Variants in PDS5B observed in about 807,000 individuals in gnomAD.
PDS5B encodes the protein PDS5 cohesin associated factor B, also known as sister chromatid cohesion protein PDS5 homolog B.
Under a neutral mutation model 184.1 loss-of-function variants are expected in PDS5B, and 51 were observed. That is an observed-to-expected ratio of 0.28 (90% CI 0.22 to 0.35). PDS5B has a LOEUF of 0.35. Among genes scored for constraint, PDS5B ranks in the 10% least tolerant of loss-of-function variants. The probability of loss-of-function intolerance (pLI) is 1.00; values close to 1 mark genes in which losing one functional copy is unlikely to be tolerated. For missense variants in PDS5B, 1,180 were observed against 1,723.3 expected (o/e 0.68, Z 5.58); for synonymous variants, 566 against 569.2 (o/e 0.99, Z 0.08).
chr13:32,694,212 G>C lies in PDS5B; in HGVS notation c.1470-11G>C. On this transcript the variant is annotated splice_polypyrimidine_tract_variant and intron_variant, in intron 13 of 34. Coordinates refer to ENST00000315596, the MANE Select transcript of PDS5B (RefSeq NM_015032.4). ...TTTTGTTATTTAAATGTGTATGTTT[G>C]TGTTTTTCAGAGCATTGAATGAAAT... 6.4e-7 allele frequency: 1 copy of C among 1,559,986 alleles called. No individual in the cohort carries two copies. The highest frequency in any genetic ancestry group is 8.8e-7 in the Non-Finnish European group (1 of 1,135,570).
In PDS5B at chr13:32,637,692, C is replaced by T. The variant is rs115166610; in HGVS notation, c.-19-11062C>T. 9.1e-3 allele frequency among the ~76,000 whole-genome samples: 1,382 copies of T among 152,030 alleles called. 28 individuals are homozygous for T. The highest frequency in any genetic ancestry group is 0.032 in the African/African-American group (1,330 of 41,432). On this transcript the variant is annotated intron_variant, in intron 1 of 34. Transcript: ENST00000315596. ...AGAAATCAAAGGAGACAGGAATGAC[C>T]AGTAAGGTAGGAAAAAATCAGGAAA...
At chr13:32,760,331 G>A (rs1295397348) in intron 29 of PDS5B, among the ~76,000 whole-genome samples, 3 of 152,108 alleles carry the variant, frequency 2.0e-5, no homozygotes, top group African/African-American at 7.2e-5. Flanking sequence ...CATTTCATTT[G>A]TTCTCACTTT....
Position 32,687,188 on chromosome 13 carries a change from G to C in PDS5B, c.1258G>C (p.Ala420Pro). 6.2e-7 allele frequency: 1 copy of C among 1,610,190 alleles called. No homozygotes were observed. Among genetic ancestry groups the C allele is most frequent in the Non-Finnish European group, 8.5e-7 (1 of 1,178,478 alleles). Residue 420 changes from alanine to proline, a missense_variant, in exon 12 of 35, where the codon GCT (alanine) becomes CCT (proline). Physicochemically the swap from Ala to Pro is conservative, Grantham distance 27. Coordinates refer to ENST00000315596, the MANE Select transcript of PDS5B (RefSeq NM_015032.4). ...MGLAQIYKKY[A>P]LQSAAGKDAA... ...ACTTGCCCAAATTTATAAGAAATAT[G>C]CTTTACAGTCAGCAGCTGGAAAAGA...
At chr13:32,750,471 C>T (rs1011142291) in intron 24 of PDS5B, among the ~76,000 whole-genome samples, 2 of 152,078 alleles carry the variant, frequency 1.3e-5, no homozygotes, top group African/African-American at 2.4e-5. Context: ...AACTTTGTTT[C>T]GTGGAGTATG....
intron 31 of PDS5B, among the ~76,000 whole-genome samples, chr13:32,768,970 A>T (rs1954684308): frequency 7.7e-6 from 1 of 129,456 alleles, no homozygotes; most frequent in African/African-American, 3.0e-5. Context: ...AAAAAAAAAA[A>T]TTAGCCAGGC....
At chr13:32,682,783 T>C (rs1159319403) in intron 10 of PDS5B, among the ~76,000 whole-genome samples, 1 of 152,232 alleles carries the variant, frequency 6.6e-6, no homozygotes, top group Non-Finnish European at 1.5e-5. Flanking sequence ...ATTTTGTGTT[T>C]TCAGTCTTTT....
chr13:32,596,004 CAA>C (rs1185444151), intron 1 of PDS5B, among the ~76,000 whole-genome samples: 1 of 151,902 alleles, frequency 6.6e-6, no homozygotes, highest in Non-Finnish European at 1.5e-5. Flanking sequence ...TGTGACAACC[CAA>C]GACAAGGAAA....
chr13:32,606,384 G>A (rs1048795798), intron 1 of PDS5B, among the ~76,000 whole-genome samples: 1 of 152,280 alleles, frequency 6.6e-6, no homozygotes, highest in African/African-American at 2.4e-5. Context: ...TAAGAATGTT[G>A]AATATTGGCC....
At chr13:32,679,909 G>GTGTGTGTGTGTGTGTC (rs148914027) in intron 10 of PDS5B, among the ~76,000 whole-genome samples, 25 of 149,510 alleles carry the variant, frequency 1.7e-4, no homozygotes, top group Non-Finnish European at 3.0e-4. Flanking sequence ...GTGTGTGTGT[G>GTGTGTGTGTGTGTGTC]TGTGTGTCTG....
Position 32,770,325 on chromosome 13 carries a change from AATGAAG to A in PDS5B, c.3835_3840del (p.Asp1279_Glu1280del), listed in dbSNP as rs1432620419. The A allele has an allele frequency of 5.0e-6, 8 of 1,613,866 alleles. No homozygotes were observed. The highest frequency in any genetic ancestry group is 5.9e-6 in the Non-Finnish European group (7 of 1,180,014). On this transcript the variant is annotated inframe_deletion, in exon 32 of 35. Transcript: ENST00000315596. ...GAGGCTCAAAGAAGATATATTAGAA[AATGAAG>A]ATGAACAGAATAGTCCGCCAAAAAA...
intron 31 of PDS5B, among the ~76,000 whole-genome samples, chr13:32,765,794 G>T (rs1024859606): frequency 6.6e-6 from 1 of 152,178 alleles, no homozygotes; most frequent in Non-Finnish European, 1.5e-5. Flanking sequence ...TAAAGGCGGG[G>T]TTTCACCATG....
At chr13:32,721,224 A>G (rs1245455381) in intron 19 of PDS5B, among the ~76,000 whole-genome samples, 2 of 151,030 alleles carry the variant, frequency 1.3e-5, no homozygotes, top group Admixed American at 1.3e-4. Flanking sequence ...GCAGCCGGGC[A>G]GAGGCGACCC....
intron 17 of PDS5B, among the ~76,000 whole-genome samples, chr13:32,704,700 GT>G (rs1386890919): frequency 6.6e-6 from 1 of 152,158 alleles, no homozygotes; most frequent in Non-Finnish European, 1.5e-5. Context: ...ATTAGAGGAA[GT>G]TCTTTCATCC....
chr13:32,670,425 AC>A (rs1950905545), intron 7 of PDS5B, among the ~76,000 whole-genome samples: 1 of 152,118 alleles, frequency 6.6e-6, no homozygotes, highest in Non-Finnish European at 1.5e-5. Context: ...ACAGGGTTTC[AC>A]CATGTTGCCC....
chr13:32,770,071 G>A (rs766390353), intron 31 of PDS5B, 50 bp from the exon 32 acceptor site: 6 of 1,506,698 alleles, frequency 4.0e-6, no homozygotes, highest in African/African-American at 2.8e-5. Flanking sequence ...CTCAAAATAT[G>A]TATACTCACA....
chr13:32,705,119 G>C lies in PDS5B; in HGVS notation c.1857-1815G>C, dbSNP rs373261765. Among the ~76,000 whole-genome samples, 6 of 152,068 alleles carry C rather than the reference G, an allele frequency of 3.9e-5. No individual in the cohort carries two copies. The East Asian group carries it at 7.7e-4, about 20-fold the overall frequency. ...CCCTGGCTATGGAACTTTTCTTCTT[G>C]TTGTGGCCTTTTTTTGTAGTCCATC... On this transcript the variant is annotated intron_variant, in intron 17 of 34. Transcript: ENST00000315596.
At position 32,775,000 on chromosome 13, in the gene PDS5B, G is replaced by A; in HGVS notation, c.4309-17G>A. The stretch of plus-strand genomic sequence containing the variant: ...TATACCCATTTTAATTAAGCATCTG[G>A]TGACTTTCCTTTTAAGGTACGGCGG... On this transcript the variant is annotated splice_polypyrimidine_tract_variant and intron_variant, in intron 34 of 34. Transcript: ENST00000315596. The A allele has an allele frequency of 1.9e-6, 3 of 1,610,812 alleles. No homozygotes were observed. Among genetic ancestry groups the A allele is most frequent in the South Asian group, 1.1e-5 (1 of 90,968 alleles).
chr13:32,754,458 C>T lies in PDS5B; in HGVS notation c.2941+922C>T, dbSNP rs942274470. Among the ~76,000 whole-genome samples the T allele has an allele frequency of 2.6e-4, 40 of 152,156 alleles. 1 individual carries two copies. The highest frequency in any genetic ancestry group is 2.6e-3 in the Admixed American group (40 of 15,262). On this transcript the variant is annotated intron_variant, in intron 25 of 34. Coordinates refer to ENST00000315596, the MANE Select transcript of PDS5B (RefSeq NM_015032.4). ...CAGTCTTTTTTCTCTGTTGTCAACT[C>T]TATCTGGAAATTGCCTCCTGTTTCC...
intron 6 of PDS5B, among the ~76,000 whole-genome samples, chr13:32,662,665 A>G (rs1344668560): frequency 6.6e-6 from 1 of 152,134 alleles, no homozygotes; most frequent in Non-Finnish European, 1.5e-5. Flanking sequence ...TGCAGGATAC[A>G]CTTTTAAGTG....
Sources: gnomAD v4.1 joint callset for allele counts (sites outside exome capture counted in the v4.1 genomes callset) on GRCh38, gnomAD v4.1.1 for gene constraint, MANE v1.5 for transcripts, NCBI Gene and HGNC (gene_info 2026-07-23, HGNC 2026-07-21) for gene names.